Variants in NXN observed in about 807,000 individuals in gnomAD.
The protein encoded by NXN is nucleoredoxin, also known as nucleoredoxin 1.
Under a neutral mutation model 48.6 loss-of-function variants are expected in NXN, and 16 were observed. The observed-to-expected ratio is 0.33, with a 90% CI of 0.22 to 0.50. The LOEUF is 0.50. NXN is among the 20% of genes least tolerant of loss of function. The pLI is 0.98. For missense variants in NXN, 492 were observed against 605.5 expected, an observed-to-expected ratio of 0.81 and a Z score of 1.97; for synonymous variants, 281 against 269.6, an observed-to-expected ratio of 1.04 and a Z score of -0.41.
intron 1 of NXN, among the ~76,000 whole-genome samples, chr17:929,181 C>A (rs1340689792): frequency 6.6e-6 from 1 of 152,226 alleles, no homozygotes; most frequent in East Asian, 1.9e-4. Context: ...ATTACGGCAA[C>A]AGGCAGCTGG....
At chr17:878,496 G>A (rs2068245052) in intron 1 of NXN, among the ~76,000 whole-genome samples, 1 of 132,004 alleles carries the variant, frequency 7.6e-6, no homozygotes, top group Non-Finnish European at 1.7e-5. Flanking sequence ...GCAGGGGAGG[G>A]GGTGCCCTTG....
At chr17:811,855 G>T (rs1433747214) in intron 5 of NXN, among the ~76,000 whole-genome samples, 6 of 151,666 alleles carry the variant, frequency 4.0e-5, no homozygotes, top group African/African-American at 1.5e-4. Flanking sequence ...CCTTCACTCG[G>T]CAGGGTGATT....
chr17:829,968 A>G (rs756797057), intron 1 of NXN, among the ~76,000 whole-genome samples: 12 of 152,166 alleles, frequency 7.9e-5, no homozygotes, highest in Non-Finnish European at 1.3e-4. Context: ...ATGATTTACA[A>G]TCCTTTGGGT....
chr17:843,920 G>GA (rs2067829567), intron 1 of NXN, among the ~76,000 whole-genome samples: 1 of 152,144 alleles, frequency 6.6e-6, no homozygotes, highest in Non-Finnish European at 1.5e-5. Flanking sequence ...GTGAGACTAA[G>GA]AAAAAAGAAC....
At chr17:914,795 G>A (rs951974690) in intron 1 of NXN, among the ~76,000 whole-genome samples, 1 of 152,054 alleles carries the variant, frequency 6.6e-6, no homozygotes, top group African/African-American at 2.4e-5. Flanking sequence ...AGGCGGAGCT[G>A]GATGTGGGGA....
At chr17:805,020 T>C in intron 6 of NXN, 48 bp downstream of exon 6, 1 of 1,512,872 alleles carries the variant, frequency 6.6e-7, no homozygotes, top group Non-Finnish European at 9.0e-7. Context: ...GCCCCTCCTG[T>C]CCCGCCCCCC....
At chr17:946,803 A>G (rs1315384764) in intron 1 of NXN, among the ~76,000 whole-genome samples, 1 of 152,202 alleles carries the variant, frequency 6.6e-6, no homozygotes, top group Non-Finnish European at 1.5e-5. Flanking sequence ...GGGGGTGATC[A>G]CGCCAACGTC....
At chr17:855,366 G>A (rs941032841) in intron 1 of NXN, among the ~76,000 whole-genome samples, 9 of 152,116 alleles carry the variant, frequency 5.9e-5, no homozygotes, top group African/African-American at 2.2e-4. Context: ...GCGCCCAAGG[G>A]GCTCCAGGAC....
chr17:802,321 A>G (rs1467334671), intron 7 of NXN, among the ~76,000 whole-genome samples: 1 of 152,158 alleles, frequency 6.6e-6, no homozygotes, highest in African/African-American at 2.4e-5. Context: ...ACAAAAGTCC[A>G]GCCCAGCCAG....
At chr17:841,775 C>T (rs553079713) in intron 1 of NXN, among the ~76,000 whole-genome samples, 8 of 151,974 alleles carry the variant, frequency 5.3e-5, no homozygotes, top group South Asian at 2.1e-4. Context: ...GCTCTGGGTG[C>T]GGCAAAGGCA....
intron 1 of NXN, among the ~76,000 whole-genome samples, chr17:915,205 A>ATT (rs1262352547): frequency 6.6e-6 from 1 of 152,222 alleles, no homozygotes; most frequent in East Asian, 1.9e-4. Context: ...AAGTGCTGGG[A>ATT]TTACAGGCGT....
intron 1 of NXN, among the ~76,000 whole-genome samples, chr17:857,459 C>A (rs746399381): frequency 6.6e-6 from 1 of 152,098 alleles, no homozygotes; most frequent in African/African-American, 2.4e-5. Context: ...CGGGGTTTTG[C>A]CATGTTGGCC....
chr17:935,302 C>G (rs530341817), intron 1 of NXN, among the ~76,000 whole-genome samples: 2 of 152,012 alleles, frequency 1.3e-5, no homozygotes, highest in Admixed American at 1.3e-4. Context: ...CCTTGCTGTG[C>G]TCTTTAAACA....
At chr17:945,500 G>A (rs539522452) in intron 1 of NXN, among the ~76,000 whole-genome samples, 171 of 151,216 alleles carry the variant, frequency 1.1e-3, no homozygotes, top group African/African-American at 4.0e-3. Context: ...GCGTGGTGGC[G>A]GGCGCCTGTA....
chr17:841,688 G>GACCACAGC (rs1567828232), intron 1 of NXN, among the ~76,000 whole-genome samples: 4 of 113,564 alleles, frequency 3.5e-5, no homozygotes, highest in African/African-American at 1.3e-4. Context: ...CCCTGACCAT[G>GACCACAGC]GCACATCTCA....
chr17:880,632 A>G (rs1055406060), intron 1 of NXN, among the ~76,000 whole-genome samples: 2 of 152,168 alleles, frequency 1.3e-5, no homozygotes, highest in African/African-American at 4.8e-5. Context: ...GACTCAAAAT[A>G]GGCCACACAA....
At chr17:957,124 G>A (rs1025102061) in intron 1 of NXN, among the ~76,000 whole-genome samples, 5 of 143,892 alleles carry the variant, frequency 3.5e-5, no homozygotes, top group East Asian at 1.9e-4. Context: ...GGGGCCTGGC[G>A]GAGCTGAGAC....
At chr17:851,366 G>A (rs1468281709) in intron 1 of NXN, among the ~76,000 whole-genome samples, 1 of 152,274 alleles carries the variant, frequency 6.6e-6, no homozygotes, top group Non-Finnish European at 1.5e-5. Context: ...AGACGGGAGA[G>A]AAGATGCTTA....
intron 1 of NXN, among the ~76,000 whole-genome samples, chr17:966,697 G>T (rs972029989): frequency 1.3e-5 from 2 of 151,390 alleles, no homozygotes; most frequent in Non-Finnish European, 2.9e-5. Flanking sequence ...TTCCAACGTG[G>T]CCCAGGGAGG....
Sources: gnomAD v4.1 joint callset for allele counts (sites outside exome capture counted in the v4.1 genomes callset) on GRCh38, gnomAD v4.1.1 for gene constraint, MANE v1.5 for transcripts, NCBI Gene and HGNC (gene_info 2026-07-23, HGNC 2026-07-21) for gene names.